Variants in EHMT1 observed in about 807,000 individuals in gnomAD.
EHMT1 encodes the protein histone-lysine N-methyltransferase EHMT1.
Under a neutral mutation model 147.2 loss-of-function variants are expected in EHMT1, and 15 were observed. The ratio of observed to expected loss-of-function variants is 0.10; its 90% CI spans 0.07 to 0.16. The LOEUF is 0.16. Ranked by LOEUF, EHMT1 falls within the 10% of genes least tolerant of loss-of-function variation. EHMT1 has a pLI of 1.00. For synonymous variants in EHMT1, 795 were observed against 709.6 expected, an observed-to-expected ratio of 1.12 and a Z score of -1.91; for missense variants, 1,587 against 1,772.4, an observed-to-expected ratio of 0.90 and a Z score of 1.88.
At chr9:137,722,874 C>T (rs1004288717) in intron 3 of EHMT1, among the ~76,000 whole-genome samples, 1 of 151,776 alleles carries the variant, frequency 6.6e-6, no homozygotes, top group African/African-American at 2.4e-5. Flanking sequence ...GGTTCTGGGC[C>T]TGAGCCCGGG....
intron 1 of EHMT1, among the ~76,000 whole-genome samples, chr9:137,628,832 A>G (rs1843431672): frequency 6.6e-6 from 1 of 152,240 alleles, no homozygotes; most frequent in African/African-American, 2.4e-5. Context: ...GTGGGGCTAG[A>G]GCCCTGGTTT....
intron 1 of EHMT1, among the ~76,000 whole-genome samples, chr9:137,691,214 C>T (rs1046565420): frequency 1.3e-5 from 2 of 151,818 alleles, no homozygotes; most frequent in African/African-American, 4.8e-5. Flanking sequence ...TTGTGCTTGG[C>T]TCATTTCTCA....
intron 1 of EHMT1, among the ~76,000 whole-genome samples, chr9:137,660,630 A>G (rs936073703): frequency 6.6e-5 from 10 of 152,266 alleles, no homozygotes; most frequent in African/African-American, 1.7e-4. Flanking sequence ...CACTGAATCT[A>G]TGGATCAATT....
intron 10 of EHMT1, among the ~76,000 whole-genome samples, chr9:137,771,260 C>T (rs998900475): frequency 7.3e-6 from 1 of 136,502 alleles, no homozygotes; most frequent in Non-Finnish European, 1.5e-5. Flanking sequence ...AGTGCAGTGG[C>T]GTAATCTCTG....
At chr9:137,704,629 T>G (rs1299374359) in intron 1 of EHMT1, among the ~76,000 whole-genome samples, 1 of 152,170 alleles carries the variant, frequency 6.6e-6, no homozygotes. Context: ...TTATTGCTGC[T>G]TGGTATCCTC....
Position 137,776,891 on chromosome 9 carries a change from A to G in EHMT1, c.2018+47A>G. ...TGGGCTCTCCAGTCGTCCACCTGAA[A>G]AAGTTTCAGTTGTTAACTCAACGTT... is the stretch of plus-strand genomic sequence containing the variant. On this transcript the variant is annotated intron_variant, in intron 12 of 26. Coordinates refer to ENST00000460843, the MANE Select transcript of EHMT1 (RefSeq NM_024757.5). This position sits in a 1 kb window ranked among gnomAD's most constrained non-coding sequence, Gnocchi z 4.4. 6.3e-7 allele frequency: 1 copy of G among 1,587,538 alleles called. No homozygotes were observed. The highest frequency in any genetic ancestry group is 8.6e-7 in the Non-Finnish European group (1 of 1,160,948).
chr9:137,686,280 G>C (rs1321908720), intron 1 of EHMT1, among the ~76,000 whole-genome samples: 1 of 152,028 alleles, frequency 6.6e-6, no homozygotes, highest in Non-Finnish European at 1.5e-5. Context: ...AGAAATTGTT[G>C]CCTAACTCAA....
At chr9:137,637,789 G>A (rs1589071773) in intron 1 of EHMT1, among the ~76,000 whole-genome samples, 2 of 152,308 alleles carry the variant, frequency 1.3e-5, no homozygotes, top group East Asian at 1.9e-4. Flanking sequence ...ATTCACCTGC[G>A]AAGCCATCTG....
At chr9:137,751,692 A>G (rs1290126308) in intron 6 of EHMT1, among the ~76,000 whole-genome samples, 3 of 152,230 alleles carry the variant, frequency 2.0e-5, no homozygotes, top group Non-Finnish European at 4.4e-5. Context: ...CTGGTGTGGA[A>G]AGAATTCCAG....
intron 4 of EHMT1, among the ~76,000 whole-genome samples, chr9:137,740,594 AGCCACGT>A (rs1482648179): frequency 6.6e-6 from 1 of 152,212 alleles, no homozygotes; most frequent in Non-Finnish European, 1.5e-5. Context: ...TTCACACTTC[AGCCACGT>A]GCTCAAACAC....
chr9:137,819,978 C>G (rs547340699), intron 25 of EHMT1: 2 of 152,238 alleles, frequency 1.3e-5, no homozygotes, highest in South Asian at 4.1e-4. Flanking sequence ...ATTTTAAAAC[C>G]TCTTGAAACT....
intron 8 of EHMT1, among the ~76,000 whole-genome samples, chr9:137,754,853 A>G (rs530345748): frequency 2.6e-5 from 4 of 152,264 alleles, no homozygotes; most frequent in Admixed American, 6.5e-5. Flanking sequence ...GAGGTGAATC[A>G]TTTGCTGCCC....
intron 1 of EHMT1, among the ~76,000 whole-genome samples, chr9:137,640,019 C>A (rs996422117): frequency 3.3e-5 from 5 of 152,164 alleles, no homozygotes; most frequent in Non-Finnish European, 7.3e-5. Flanking sequence ...ACCGTAACCT[C>A]TGCCTCCCGG....
chr9:137,633,976 C>A (rs1192112969), intron 1 of EHMT1, among the ~76,000 whole-genome samples: 3 of 151,998 alleles, frequency 2.0e-5, no homozygotes, highest in African/African-American at 7.2e-5. Flanking sequence ...AGCACGCCGG[C>A]TTATTTTTGT....
Position 137,782,370 on chromosome 9 carries a change from C to T in EHMT1, c.2355C>T (p.His785=), listed in dbSNP as rs1196705089. ...TGCACGCCGCGGCAGAGGCTGGACA[C>T]GTGGACATCTGCCACATGCTGGTTC... ...SPLHAAAEAG[H]VDICHMLVQA... The change falls in exon 15 of 27, where the codon CAC becomes CAT. Residue 785 remains histidine, a synonymous_variant. Coordinates refer to ENST00000460843, the MANE Select transcript of EHMT1 (RefSeq NM_024757.5). The surrounding 1 kb of genome is among the most constrained non-coding windows in gnomAD (Gnocchi z 5.7). 6.2e-7 allele frequency: 1 copy of T among 1,611,730 alleles called. No homozygotes were observed. The highest frequency in any genetic ancestry group is 8.5e-7 in the Non-Finnish European group (1 of 1,179,758).
At chr9:137,821,650 C>T (rs1490175819) in intron 25 of EHMT1, among the ~76,000 whole-genome samples, 3 of 152,120 alleles carry the variant, frequency 2.0e-5, no homozygotes, top group Admixed American at 2.0e-4. Flanking sequence ...GAGTTTGTGT[C>T]TTGTTCTTTT....
At chr9:137,690,900 CAG>C (rs1207149807) in intron 1 of EHMT1, among the ~76,000 whole-genome samples, 5 of 152,220 alleles carry the variant, frequency 3.3e-5, no homozygotes, top group Admixed American at 1.3e-4. Context: ...CTGGGTCATA[CAG>C]AGAGGACTCA....
chr9:137,766,111 C>T (rs1429017598), intron 10 of EHMT1, among the ~76,000 whole-genome samples: 1 of 152,080 alleles, frequency 6.6e-6, no homozygotes, highest in African/African-American at 2.4e-5. Context: ...CTTAAACAGC[C>T]TTACAAGTTT....
intron 16 of EHMT1, among the ~76,000 whole-genome samples, chr9:137,798,301 C>T (rs1354308746): frequency 6.6e-6 from 1 of 152,022 alleles, no homozygotes; most frequent in African/African-American, 2.4e-5. Context: ...ACGTGGGAGG[C>T]TGAGGCAGGA....
Sources: allele counts gnomAD v4.1 joint callset (sites outside exome capture counted in the v4.1 genomes callset), GRCh38; gene constraint gnomAD v4.1.1; non-coding constraint Gnocchi (gnomAD v3.1); transcripts MANE v1.5; gene names NCBI Gene and HGNC (gene_info 2026-07-23, HGNC 2026-07-21).